Variants in RHOBTB2 observed in about 807,000 individuals in gnomAD.
The protein encoded by RHOBTB2 is Rho related BTB domain containing 2.
A neutral mutation model predicts 66.5 loss-of-function variants in RHOBTB2; 39 were observed. The observed-to-expected ratio is 0.59, with a 90% CI of 0.45 to 0.77. The LOEUF (loss-of-function observed/expected upper bound fraction) is 0.77, where lower values mean the gene tolerates loss of function less well. RHOBTB2 is among the 30% of genes least tolerant of loss of function. RHOBTB2 has a pLI of 0.00. For synonymous variants in RHOBTB2, 390 were observed against 395.0 expected, an observed-to-expected ratio of 0.99 and a Z score of 0.15; for missense variants, 755 against 999.1, an observed-to-expected ratio of 0.76 and a Z score of 3.29.
the RHOBTB2 span, among the ~76,000 whole-genome samples, chr8:22,976,956 T>C: frequency 6.6e-6 from 1 of 151,698 alleles, no homozygotes; most frequent in Non-Finnish European, 1.5e-5. Flanking sequence ...AATATACATA[T>C]CAAGATGCAA....
chr8:22,979,387 G>A, the RHOBTB2 span, among the ~76,000 whole-genome samples: 1 of 152,108 alleles, frequency 6.6e-6, no homozygotes, highest in African/African-American at 2.4e-5. Flanking sequence ...ACCATCCGGA[G>A]ATAACTACTT....
At chr8:22,992,433 G>C (rs924281328) in intron 2 of RHOBTB2, among the ~76,000 whole-genome samples, 3 of 152,194 alleles carry the variant, frequency 2.0e-5, no homozygotes, top group Non-Finnish European at 4.4e-5. Context: ...GCTCTGCAGG[G>C]CTTAAGGAAT....
upstream of RHOBTB2, among the ~76,000 whole-genome samples, chr8:22,994,952 G>A (rs1266906289): frequency 6.6e-6 from 1 of 152,158 alleles, no homozygotes; most frequent in Non-Finnish European, 1.5e-5. Context: ...TTTTAGTAGA[G>A]AAGGGGACTC....
intron 2 of RHOBTB2, among the ~76,000 whole-genome samples, chr8:23,005,039 C>T (rs1183885202): frequency 6.6e-6 from 1 of 152,124 alleles, no homozygotes; most frequent in Admixed American, 6.5e-5. Context: ...GAACAAGGGT[C>T]AGCTCCCAAA....
At chr8:23,016,470 G>A (rs1811295211) in intron 9 of RHOBTB2, among the ~76,000 whole-genome samples, 1 of 151,942 alleles carries the variant, frequency 6.6e-6, no homozygotes, top group African/African-American at 2.4e-5. Flanking sequence ...GGAGTACAGT[G>A]GCACAATCTC....
Position 22,999,783 on chromosome 8 carries a change from C to T in RHOBTB2, c.-333C>T. On this transcript the variant is annotated 5_prime_UTR_variant, in exon 1 of 10. Coordinates refer to ENST00000251822, the MANE Select transcript of RHOBTB2 (RefSeq NM_015178.3). ...TCTCCCGGCGCCCCTGCGCGCCGCC[C>T]GCTGCCTCCGCAGCCCGGCTCCGCG... The T allele has an allele frequency of 2.0e-6, 2 of 985,280 alleles. No homozygotes were observed. 61.0% of individuals were successfully genotyped at this position (985,280 alleles called of 1,614,324 possible). A position where few individuals can be genotyped will look rare whatever the true frequency, so the allele number is the denominator to read the frequency against.
the RHOBTB2 span, among the ~76,000 whole-genome samples, chr8:22,961,205 C>A: frequency 6.6e-6 from 1 of 152,028 alleles, no homozygotes; most frequent in Admixed American, 6.6e-5. Context: ...TCAGGCCCTG[C>A]AATCTACCTT....
At chr8:22,952,784 A>G in the RHOBTB2 span, among the ~76,000 whole-genome samples, 3 of 152,196 alleles carry the variant, frequency 2.0e-5, no homozygotes, top group Non-Finnish European at 4.4e-5. Context: ...GCATGCCTGC[A>G]ATCCCAGCTA....
At position 23,006,562 on chromosome 8, in the gene RHOBTB2, G is replaced by A; in HGVS notation, c.483-166G>A. On this transcript the variant is annotated intron_variant, in intron 4 of 9. Coordinates refer to ENST00000251822, the MANE Select transcript of RHOBTB2 (RefSeq NM_015178.3). This position sits in a 1 kb window ranked among gnomAD's most constrained non-coding sequence, Gnocchi z 6.1. ...AAGCTTTCTGGAAGAAAAAGGGCTT[G>A]GAGTGGACCTTGAAGGAGCTTGATG... is the stretch of plus-strand genomic sequence containing the variant. 1.5e-6 allele frequency: 1 copy of A among 681,456 alleles called. No homozygotes were observed. The allele number at this position is 681,456 out of a possible 1,614,324, so 42.2% of individuals were successfully genotyped here.
chr8:23,015,222 G>T (rs892581274), intron 8 of RHOBTB2, among the ~76,000 whole-genome samples: 7 of 152,214 alleles, frequency 4.6e-5, no homozygotes, highest in African/African-American at 1.7e-4. Flanking sequence ...GCACGGCTCA[G>T]GCAGGGCTTG....
rs747307144 is a variant in RHOBTB2, at chr8:23,006,839, C to T, written c.594C>T (p.Asp198=). The change falls in exon 5 of 10, where the codon GAC becomes GAT. Residue 198 remains aspartate (D), a synonymous_variant. Transcript: ENST00000251822. The surrounding 1 kb of genome is among the most constrained non-coding windows in gnomAD (Gnocchi z 6.1). ...TSVVAQFGIK[D]VFDNAIRAAL... ...TGGTGGCCCAGTTCGGCATCAAGGA[C>T]GTCTTTGACAACGCCATCCGAGCTG... 9.3e-6 allele frequency: 15 copies of T among 1,613,996 alleles called. No homozygotes were observed. Among genetic ancestry groups the T allele is most frequent in the South Asian group, 8.8e-5 (8 of 91,094 alleles).
the RHOBTB2 span, among the ~76,000 whole-genome samples, chr8:22,960,312 C>G: frequency 2.0e-5 from 3 of 151,480 alleles, no homozygotes; most frequent in African/African-American, 7.3e-5. Context: ...CTCCCCTCCC[C>G]TCCCCTCCCC....
upstream of RHOBTB2, chr8:22,984,923 A>G (rs1810263901): frequency 6.8e-6 from 1 of 147,568 alleles, no homozygotes; most frequent in Non-Finnish European, 1.5e-5. Flanking sequence ...TTCCATCTCA[A>G]AAAAGAAAAA....
the RHOBTB2 span, among the ~76,000 whole-genome samples, chr8:22,960,046 T>G: frequency 0.79 from 114,265 of 144,832 alleles, 45,235 homozygotes; most frequent in African/African-American, 0.84. Flanking sequence ...AGCCAGGTGT[T>G]GTGGAGCGCA....
the RHOBTB2 span, among the ~76,000 whole-genome samples, chr8:22,970,329 A>AC: frequency 6.6e-6 from 1 of 152,160 alleles, no homozygotes; most frequent in East Asian, 1.9e-4. Flanking sequence ...GAACCCATTC[A>AC]CCGGGGGGAG....
At position 23,004,380 on chromosome 8, in the gene RHOBTB2, G is replaced by T; in HGVS notation, c.-10-45G>T. On this transcript the variant is annotated intron_variant, in intron 1 of 9. Coordinates refer to ENST00000251822, the MANE Select transcript of RHOBTB2 (RefSeq NM_015178.3). The surrounding 1 kb of genome is among the most constrained non-coding windows in gnomAD (Gnocchi z 6.4). Reference sequence around the variant, plus strand: ...GGGTGCTGGCCCTGGCCCACGGCGAGCTGGCATGCCATGCCGTCCTGACCG... The same window carrying T: ...GGGTGCTGGCCCTGGCCCACGGCGATCTGGCATGCCATGCCGTCCTGACCG... 6.4e-7 allele frequency: 1 copy of T among 1,557,494 alleles called. No homozygotes were observed. The highest frequency in any genetic ancestry group is 8.9e-7 in the Non-Finnish European group (1 of 1,129,554).
At chr8:23,016,853 G>A (rs1432651209) in intron 9 of RHOBTB2, among the ~76,000 whole-genome samples, 3 of 152,144 alleles carry the variant, frequency 2.0e-5, no homozygotes, top group African/African-American at 7.2e-5. Flanking sequence ...GTGTCCTGCT[G>A]TGTCCTGACT....
At chr8:22,990,438 C>T (rs1449165325) in intron 1 of RHOBTB2, among the ~76,000 whole-genome samples, 1 of 152,134 alleles carries the variant, frequency 6.6e-6, no homozygotes, top group Non-Finnish European at 1.5e-5. Context: ...CTTGATACCT[C>T]CTAGTCCCCG....
the RHOBTB2 span, among the ~76,000 whole-genome samples, chr8:22,960,547 G>A: frequency 1.3e-5 from 2 of 152,102 alleles, no homozygotes; most frequent in East Asian, 1.9e-4. Flanking sequence ...TCAAACTCCT[G>A]ACCTCAAATG....
Sources: allele counts gnomAD v4.1 joint callset (sites outside exome capture counted in the v4.1 genomes callset), GRCh38; gene constraint gnomAD v4.1.1; non-coding constraint Gnocchi (gnomAD v3.1); transcripts MANE v1.5; gene names NCBI Gene and HGNC (gene_info 2026-07-23, HGNC 2026-07-21).